The following THAP3 variants were observed in gnomAD, a reference collection of about 807,000 sequenced individuals.
The protein encoded by THAP3 is THAP domain containing 3.
In THAP3, 12 loss-of-function variants were observed where a neutral mutation model predicts 17.7. The ratio of observed to expected loss-of-function variants is 0.68; its 90% CI spans 0.43 to 1.10. THAP3 has a LOEUF of 1.10. Ranked by LOEUF, THAP3 falls within the 50% of genes least tolerant of loss-of-function variation. The pLI, the probability that THAP3 is intolerant of heterozygous loss-of-function variation, is 0.00. For synonymous variants in THAP3, 133 were observed against 126.9 expected, an observed-to-expected ratio of 1.05 and a Z score of -0.32; for missense variants, 289 against 318.0, an observed-to-expected ratio of 0.91 and a Z score of 0.69.
intron 2 of THAP3, chr1:6,628,059 C>T (rs1029949186): frequency 3.1e-5 from 5 of 163,362 alleles, no homozygotes; most frequent in African/African-American, 1.2e-4. Flanking sequence ...TCAGCTGCCT[C>T]TCCTCACCAC....
At chr1:6,631,534 C>T (rs1218425407) in intron 4 of THAP3, among the ~76,000 whole-genome samples, 6 of 151,900 alleles carry the variant, frequency 3.9e-5, no homozygotes, top group Admixed American at 1.3e-4. Context: ...TTTGGGAGGC[C>T]GAGGCAGGCG....
At chr1:6,625,858 G>C (rs975413581) in intron 2 of THAP3, among the ~76,000 whole-genome samples, 2 of 152,216 alleles carry the variant, frequency 1.3e-5, no homozygotes, top group Admixed American at 6.5e-5. Flanking sequence ...ACATTCCGAA[G>C]GGGGGCTTGT....
chr1:6,633,976 A>G (rs1557460191), downstream of THAP3: 1 of 1,566,362 alleles, frequency 6.4e-7, no homozygotes, highest in Non-Finnish European at 8.7e-7. Flanking sequence ...TAAAGAAAAA[A>G]GTTCTAGCCT....
chr1:6,628,487 C>T lies in THAP3; in HGVS notation c.75-12C>T. ...CCTTGCTGGGCCTCACACCCCGTGC[C>T]TCTGCCCTTAGGTTTCCGTTCAGCC... On this transcript the variant is annotated splice_polypyrimidine_tract_variant and intron_variant, in intron 2 of 5. Coordinates refer to ENST00000054650, the MANE Select transcript of THAP3 (RefSeq NM_001195753.2). 6.2e-7 allele frequency: 1 copy of T among 1,603,554 alleles called. No homozygotes were observed. The highest frequency in any genetic ancestry group is 8.5e-7 in the Non-Finnish European group (1 of 1,175,458).
At chr1:6,628,714 G>A (rs200082980) in intron 3 of THAP3, 23 bp downstream of exon 3, 151 of 1,601,760 alleles carry the variant, frequency 9.4e-5, no homozygotes, top group Middle Eastern at 1.7e-4. Flanking sequence ...TGCACCTTCC[G>A]TCTGGTCACA....
downstream of THAP3, chr1:6,634,488 G>A: frequency 7.5e-7 from 1 of 1,335,304 alleles, no homozygotes; most frequent in Non-Finnish European, 9.9e-7. Flanking sequence ...GGGTGGGCTG[G>A]AGGCCGGCGC....
Position 6,625,302 on chromosome 1 carries a change from G to A in THAP3, c.74+10G>A, listed in dbSNP as rs1641433692. 6.5e-7 allele frequency: 1 copy of A among 1,528,336 alleles called. No individual in the cohort carries two copies. The highest frequency in any genetic ancestry group is 8.8e-7 in the Non-Finnish European group (1 of 1,140,014). 94.7% of individuals were successfully genotyped at this position (1,528,336 alleles called of 1,614,324 possible). ...AGCTCACCTTCCACCGGTAAGAGGCGGGGACCCGGGGGCGCGGGAGGCCCA... is the reference window on the plus strand; with the variant it reads ...AGCTCACCTTCCACCGGTAAGAGGCAGGGACCCGGGGGCGCGGGAGGCCCA... On this transcript the variant is annotated intron_variant, in intron 2 of 5. Coordinates refer to ENST00000054650, the MANE Select transcript of THAP3 (RefSeq NM_001195753.2).
intron 2 of THAP3, among the ~76,000 whole-genome samples, chr1:6,626,525 A>AT (rs1224968905): frequency 1.3e-5 from 2 of 152,056 alleles, no homozygotes; most frequent in Admixed American, 6.6e-5. Context: ...GGGTGGCCCC[A>AT]TTTTTTGGAT....
At chr1:6,626,938 C>T (rs1197980232) in intron 2 of THAP3, among the ~76,000 whole-genome samples, 1 of 152,242 alleles carries the variant, frequency 6.6e-6, no homozygotes, top group Non-Finnish European at 1.5e-5. Flanking sequence ...CAGGTATGTA[C>T]TTGGGGATGG....
In THAP3 at chr1:6,633,510, A is replaced by C; in HGVS notation, c.*433A>C. On this transcript the variant is annotated 3_prime_UTR_variant, in exon 6 of 6. Coordinates refer to ENST00000054650, the MANE Select transcript of THAP3 (RefSeq NM_001195753.2). ...CAGCCGCTCGGGGTTCTAAGGAGTG[A>C]CTCCTGTCCCGGCCTGGTGTGAGTG... 2.7e-6 allele frequency: 3 copies of C among 1,098,344 alleles called. No individual in the cohort carries two copies. The highest frequency in any genetic ancestry group is 6.8e-5 in the East Asian group (1 of 14,696). 68.0% of individuals were successfully genotyped at this position (1,098,344 alleles called of 1,614,324 possible).
chr1:6,633,135 A>T lies in THAP3; in HGVS notation c.*58A>T, dbSNP rs1164721337. The T allele has an allele frequency of 6.5e-7, 1 of 1,534,776 alleles. No individual in the cohort carries two copies. The highest frequency in any genetic ancestry group is 8.8e-7 in the Non-Finnish European group (1 of 1,141,318). On this transcript the variant is annotated 3_prime_UTR_variant, in exon 6 of 6. Coordinates refer to ENST00000054650, the MANE Select transcript of THAP3 (RefSeq NM_001195753.2). ...GGCACCAGGGCCGGCAGAGCTTTGG[A>T]GCTCTGGCTGTGGACATTTTTGTCT...
chr1:6,635,407 A>T, downstream of THAP3: 1 of 445,360 alleles, frequency 2.2e-6, no homozygotes, highest in Non-Finnish European at 4.0e-6. Context: ...TCAGGGCCAG[A>T]GCCCTTCCCT....
At chr1:6,634,330 G>A (rs1641711449), downstream of THAP3, 1 of 1,050,602 alleles carries the variant, frequency 9.5e-7, no homozygotes, top group Non-Finnish European at 1.3e-6. Flanking sequence ...GGGCCGTGGG[G>A]CCGTCAGAGA....
intron 2 of THAP3, 32 bp from the exon 3 acceptor site, chr1:6,628,467 C>A: frequency 6.4e-7 from 1 of 1,574,468 alleles, no homozygotes; most frequent in Non-Finnish European, 8.6e-7. Flanking sequence ...TCCAGCCTTG[C>A]TGGGCCTCAC....
chr1:6,635,184 A>G (rs10523), downstream of THAP3: 113,171 of 167,446 alleles, frequency 0.68, 38,689 homozygotes, highest in Middle Eastern at 0.8. Context: ...TATTTCAGCA[A>G]GAGGAGGTGG....
intron 3 of THAP3, among the ~76,000 whole-genome samples, chr1:6,629,114 A>C (rs559963195): frequency 6.6e-6 from 1 of 152,308 alleles, no homozygotes; most frequent in East Asian, 1.9e-4. Flanking sequence ...AAGCAGGAGA[A>C]TCTCTTGAAC....
intron 4 of THAP3, among the ~76,000 whole-genome samples, chr1:6,631,292 T>G (rs1417431424): frequency 6.6e-6 from 1 of 151,946 alleles, no homozygotes; most frequent in Non-Finnish European, 1.5e-5. Flanking sequence ...GCTGGAATTA[T>G]AGGCGGGAGC....
At chr1:6,634,371 C>G, downstream of THAP3, 1 of 1,136,410 alleles carries the variant, frequency 8.8e-7, no homozygotes, top group East Asian at 3.7e-5. Context: ...ATGAATGTTA[C>G]AGAATTGGAC....
intron 2 of THAP3, among the ~76,000 whole-genome samples, chr1:6,627,204 T>C (rs1446336572): frequency 1.3e-5 from 2 of 151,910 alleles, no homozygotes; most frequent in African/African-American, 4.8e-5. Flanking sequence ...GGCCCAGGGG[T>C]GGCTTCTAGC....
Sources: allele counts gnomAD v4.1 joint callset (sites outside exome capture counted in the v4.1 genomes callset), GRCh38; gene constraint gnomAD v4.1.1; transcripts MANE v1.5; gene names NCBI Gene and HGNC (gene_info 2026-07-23, HGNC 2026-07-21).